TRMT61A: variants seen among roughly 807,000 people sequenced by gnomAD.
TRMT61A encodes the protein tRNA (adenine(58)-N(1))-methyltransferase catalytic subunit TRMT61A.
A neutral mutation model predicts 21.3 loss-of-function variants in TRMT61A; 15 were observed. The ratio of observed to expected loss-of-function variants is 0.70; its 90% CI spans 0.47 to 1.08. The LOEUF (loss-of-function observed/expected upper bound fraction) is 1.08, where lower values mean the gene tolerates loss of function less well. TRMT61A is among the 50% of genes least tolerant of loss of function. The probability of loss-of-function intolerance (pLI) is 0.00; values close to 1 mark genes in which losing one functional copy is unlikely to be tolerated. For synonymous variants in TRMT61A, 183 were observed against 185.5 expected (o/e 0.99, Z 0.11); for missense variants, 352 against 426.7 (o/e 0.83, Z 1.54).
In TRMT61A at chr14:103,535,071, A is replaced by G; in HGVS notation, c.*250A>G. The G allele has an allele frequency of 1.4e-6, 1 of 695,278 alleles. No individual in the cohort carries two copies. The highest frequency in any genetic ancestry group is 1.5e-5 in the South Asian group (1 of 66,738). 43.1% of individuals were successfully genotyped at this position (695,278 alleles called of 1,614,324 possible). A position where few individuals can be genotyped will look rare whatever the true frequency, so the allele number is the denominator to read the frequency against. ...CAGCTGCTGTTTGTTGCCAATATGA[A>G]GTATCCACTGCCACAGGCTCCCCTG... On this transcript the variant is annotated 3_prime_UTR_variant, in exon 4 of 4. Transcript: ENST00000389749.
rs2075954825 is a variant in TRMT61A at position 103,531,686 on chromosome 14, G to T, written c.332-896G>T. 6.6e-6 allele frequency among the ~76,000 whole-genome samples: 1 copy of T among 152,148 alleles called. No homozygotes were observed. Among genetic ancestry groups the T allele is most frequent in the Non-Finnish European group, 1.5e-5 (1 of 68,024 alleles). ...GTGGGAGGTGGCAGGACGTGGGACG[G>T]GATAGAGGGAGTGGAGGCACCTCCA... On this transcript the variant is annotated intron_variant, in intron 2 of 3. Transcript: ENST00000389749. This position sits in a 1 kb window ranked among gnomAD's most constrained non-coding sequence, Gnocchi z 5.1.
chr14:103,530,390 C>T, intron 2 of TRMT61A, 81 bp downstream of exon 2: 1 of 1,265,754 alleles, frequency 7.9e-7, no homozygotes, highest in East Asian at 2.4e-5. Context: ...GCCCTTCCTA[C>T]AGACACATGT....
Position 103,535,614 on chromosome 14 carries a change from G to A in TRMT61A, c.*793G>A, listed in dbSNP as rs529083367. Reference sequence around the variant, plus strand: ...CTGGGGTGTGAATGCCAGCCTGTGAGTCCCGGAACTATGTGGGTACCCCTA... The same window carrying A: ...CTGGGGTGTGAATGCCAGCCTGTGAATCCCGGAACTATGTGGGTACCCCTA... On this transcript the variant is annotated 3_prime_UTR_variant, in exon 4 of 4. Transcript: ENST00000389749. The A allele has an allele frequency of 1.5e-5, 5 of 332,574 alleles. No individual in the cohort carries two copies. The highest frequency in any genetic ancestry group is 1.1e-4 in the South Asian group (5 of 44,432). The allele number at this position is 332,574 out of a possible 1,614,324, so 20.6% of individuals were successfully genotyped here.
Position 103,534,922 on chromosome 14 carries a change from CG to C in TRMT61A, c.*103del. The C allele has an allele frequency of 1.4e-6, 2 of 1,474,616 alleles. No individual in the cohort carries two copies. The highest frequency in any genetic ancestry group is 2.4e-5 in the South Asian group (2 of 82,156). The allele number at this position is 1,474,616 out of a possible 1,614,324, so 91.3% of individuals were successfully genotyped here. On this transcript the variant is annotated 3_prime_UTR_variant, in exon 4 of 4. Transcript: ENST00000389749. ...GTCAGCGATGCCTGCCAGACACAGA[CG>C]GTGGGGTGGGGCTTGGGGGCCTCCT...
Position 103,536,215 on chromosome 14 carries a change from A to T in TRMT61A, c.*1394A>T, listed in dbSNP as rs1282187233. The T allele has an allele frequency of 6.6e-6, 1 of 152,440 alleles. No individual in the cohort carries two copies. Among genetic ancestry groups the T allele is most frequent in the African/African-American group, 2.4e-5 (1 of 41,452 alleles). 9.4% of individuals were successfully genotyped at this position (152,440 alleles called of 1,614,324 possible). ...TGTGGCCACCCCCATCTGGCTGCAG[A>T]AAAGGCCACTCCTTCCTGGGGTTGG... On this transcript the variant is annotated 3_prime_UTR_variant, in exon 4 of 4. Coordinates refer to ENST00000389749, the MANE Select transcript of TRMT61A (RefSeq NM_152307.3).
chr14:103,534,205 C>T (rs933701339), intron 3 of TRMT61A, among the ~76,000 whole-genome samples: 6 of 152,238 alleles, frequency 3.9e-5, no homozygotes, highest in Non-Finnish European at 5.9e-5. Flanking sequence ...AGAGCTGCTC[C>T]GGGCCCAGAG....
In TRMT61A at chr14:103,530,288, G is replaced by A. The variant is rs1185709260; in HGVS notation, c.310G>A (p.Gly104Ser). 10 of 1,587,708 alleles carry A rather than the reference G, an allele frequency of 6.3e-6. No homozygotes were observed. The highest frequency in any genetic ancestry group is 1.3e-5 in the African/African-American group (1 of 74,552). Reference sequence around the variant, plus strand: ...CACCATGATGTTGGAGCTTCGGCCCGGCTCTGTGGTCTGTGAGTCTGGTGA... The same window carrying A: ...CACCATGATGTTGGAGCTTCGGCCCAGCTCTGTGGTCTGTGAGTCTGGTGA... ...LITMMLELRP[G>S]SVVCESGTGS... Residue 104 changes from glycine to serine, a missense_variant, in exon 2 of 4, where the codon GGC becomes AGC. Physicochemically the swap from Gly to Ser is moderately conservative, Grantham distance 56. Coordinates refer to ENST00000389749, the MANE Select transcript of TRMT61A (RefSeq NM_152307.3).
intron 1 of TRMT61A, 148 bp from the exon 2 acceptor site, chr14:103,529,802 C>G (rs1555409954): frequency 1.6e-6 from 1 of 624,818 alleles, no homozygotes; most frequent in Non-Finnish European, 2.8e-6. Context: ...ATTGGGCTCC[C>G]TGTCAGGCAG....
chr14:103,534,813 C>G lies in TRMT61A; in HGVS notation c.862C>G (p.Pro288Ala). The change falls in exon 4 of 4, where the codon CCA (proline) becomes GCA (alanine). Residue 288 changes from proline to alanine, a missense_variant. Physicochemically the swap from Pro to Ala is conservative, Grantham distance 27. Coordinates refer to ENST00000389749, the MANE Select transcript of TRMT61A (RefSeq NM_152307.3). ...TGYLTFATKTPG is the reference protein window; with the variant it reads ...TGYLTFATKTAG ...CTACCTGACCTTCGCCACCAAGACCCCAGGCTAGGGGGCCGCCTCCCAGGG... is the reference window on the plus strand; with the variant it reads ...CTACCTGACCTTCGCCACCAAGACCGCAGGCTAGGGGGCCGCCTCCCAGGG... 1.3e-6 allele frequency: 2 copies of G among 1,550,902 alleles called. No homozygotes were observed. The highest frequency in any genetic ancestry group is 2.7e-5 in the African/African-American group (2 of 73,852).
chr14:103,530,371 C>T, intron 2 of TRMT61A, 62 bp downstream of exon 2: 1 of 1,421,970 alleles, frequency 7.0e-7, no homozygotes, highest in Non-Finnish European at 9.6e-7. Flanking sequence ...AGGTCAGAGC[C>T]TCCAGCCTGC....
rs183622735 is a variant in TRMT61A at position 103,530,386 on chromosome 14, C to T, written c.331+77C>T. 2.4e-3 allele frequency: 3,084 copies of T among 1,301,784 alleles called. 22 individuals are homozygous for T. In the Middle Eastern group the frequency reaches 0.043, roughly 18 times the overall value. The allele number at this position is 1,301,784 out of a possible 1,614,324, so 80.6% of individuals were successfully genotyped here. On this transcript the variant is annotated intron_variant, in intron 2 of 3. Transcript: ENST00000389749. ...AGGTCAGAGCCTCCAGCCTGCCCTTCCTACAGACACATGTGGCTCCTCAGT... is the reference window on the plus strand; with the variant it reads ...AGGTCAGAGCCTCCAGCCTGCCCTTTCTACAGACACATGTGGCTCCTCAGT...
In TRMT61A at chr14:103,535,174, G is replaced by T; in HGVS notation, c.*353G>T. The T allele has an allele frequency of 1.8e-6, 1 of 552,472 alleles. No individual in the cohort carries two copies. 34.2% of individuals were successfully genotyped at this position (552,472 alleles called of 1,614,324 possible). ...GCCTAAGCAGGAAGGGGGTGGAGGA[G>T]GGAGGGGGGCATTGACCCTGAGACC... On this transcript the variant is annotated 3_prime_UTR_variant, in exon 4 of 4. Coordinates refer to ENST00000389749, the MANE Select transcript of TRMT61A (RefSeq NM_152307.3).
rs754364939 is a variant in TRMT61A at position 103,530,022 on chromosome 14, C to A, written c.44C>A (p.Thr15Lys). 2 of 1,612,366 alleles carry A rather than the reference C, an allele frequency of 1.2e-6. No individual in the cohort carries two copies. Among genetic ancestry groups the A allele is most frequent in the Non-Finnish European group, 8.5e-7 (1 of 1,179,534 alleles). ...GAGGAGCTGATCAAGGAGGGTGACA[C>A]GGCCATCCTGTCACTGGGCCATGGT... ...AYEELIKEGD[T>K]AILSLGHGAM... The change falls in exon 2 of 4, where the codon ACG becomes AAG. Residue 15 changes from threonine (T) to lysine (K), a missense_variant. Coordinates refer to ENST00000389749, the MANE Select transcript of TRMT61A (RefSeq NM_152307.3).
intron 3 of TRMT61A, among the ~76,000 whole-genome samples, chr14:103,533,175 C>G (rs1430942678): frequency 1.3e-5 from 2 of 152,220 alleles, no homozygotes; most frequent in East Asian, 3.9e-4. Context: ...CCCAAAACCT[C>G]TCCTCCCCCA....
In TRMT61A at chr14:103,534,725, C is replaced by A; in HGVS notation, c.774C>A (p.Ala258=). The change falls in exon 4 of 4, where the codon GCC becomes GCA. Residue 258 remains alanine (A), a synonymous_variant. Transcript: ENST00000389749. ...PDLGTGTDGP[A]GSDTSPFRSG... ...TGGGCACAGGCACAGATGGCCCTGC[C>A]GGCTCCGACACCAGCCCCTTCCGCA... The A allele has an allele frequency of 6.2e-7, 1 of 1,603,884 alleles. No homozygotes were observed. Among genetic ancestry groups the A allele is most frequent in the Non-Finnish European group, 8.5e-7 (1 of 1,178,380 alleles).
At position 103,530,739 on chromosome 14, in the gene TRMT61A, A is replaced by G. The variant is rs930695402; in HGVS notation, c.331+430A>G. On this transcript the variant is annotated intron_variant, in intron 2 of 3. Coordinates refer to ENST00000389749, the MANE Select transcript of TRMT61A (RefSeq NM_152307.3). ...TGGGGAGCCTTCCCCATCCTCATCC[A>G]TGATCAGATCCTCACCTGCTACCAA... Among the ~76,000 whole-genome samples, 9 of 152,312 alleles carry G rather than the reference A, an allele frequency of 5.9e-5. No individual in the cohort carries two copies. In the East Asian group the frequency reaches 7.7e-4, roughly 13 times the overall value.
rs1373451230 is a variant in TRMT61A at position 103,534,939 on chromosome 14, G to A, written c.*118G>A. 12 of 1,352,702 alleles carry A rather than the reference G, an allele frequency of 8.9e-6. No homozygotes were observed. The highest frequency in any genetic ancestry group is 1.3e-5 in the South Asian group (1 of 79,768). 83.8% of individuals were successfully genotyped at this position (1,352,702 alleles called of 1,614,324 possible). ...GACACAGACGGTGGGGTGGGGCTTG[G>A]GGGCCTCCTGGGTGGCCAGAGTGGG... is the stretch of plus-strand genomic sequence containing the variant. On this transcript the variant is annotated 3_prime_UTR_variant, in exon 4 of 4. Transcript: ENST00000389749.
chr14:103,534,043 G>A (rs76445448), intron 3 of TRMT61A, among the ~76,000 whole-genome samples: 2,883 of 152,356 alleles, frequency 0.019, 43 homozygotes, highest in Non-Finnish European at 0.028. Context: ...GCCAAGTGAA[G>A]CCCGTGGCTG....
rs1189826191 is a variant in TRMT61A, at chr14:103,530,330, C to G, written c.331+21C>G. 3 of 1,556,944 alleles carry G rather than the reference C, an allele frequency of 1.9e-6. No individual in the cohort carries two copies. In the African/African-American group the frequency reaches 4.1e-5, roughly 21 times the overall value. Reference sequence around the variant, plus strand: ...GTCTGGTGAGTTCCTCAGGCTGCCTCAGTTTAACGCAGAAATTGACACAAA... The same window carrying G: ...GTCTGGTGAGTTCCTCAGGCTGCCTGAGTTTAACGCAGAAATTGACACAAA... On this transcript the variant is annotated intron_variant, in intron 2 of 3. Coordinates refer to ENST00000389749, the MANE Select transcript of TRMT61A (RefSeq NM_152307.3).
Sources: allele counts gnomAD v4.1 joint callset (sites outside exome capture counted in the v4.1 genomes callset), GRCh38; gene constraint gnomAD v4.1.1; non-coding constraint Gnocchi (gnomAD v3.1); transcripts MANE v1.5; gene names NCBI Gene and HGNC (gene_info 2026-07-23, HGNC 2026-07-21).